RIMS1: variants seen among roughly 807,000 people sequenced by gnomAD.
The protein encoded by RIMS1 is regulating synaptic membrane exocytosis protein 1.
RIMS1 carries 83 observed loss-of-function variants against 214.1 expected under a neutral mutation model. The ratio of observed to expected loss-of-function variants is 0.39; its 90% confidence interval spans 0.32 to 0.47. The LOEUF is 0.47. Among genes scored for constraint, RIMS1 ranks in the 20% least tolerant of loss-of-function variants. The pLI is 0.99. For synonymous variants in RIMS1, 793 were observed against 786.8 expected (o/e 1.01, Z -0.13); for missense variants, 2,050 against 2,161.8 (o/e 0.95, Z 1.03).
rs546636252 is a variant in RIMS1, at chr6:71,887,052, C to T, written c.29C>T (p.Pro10Leu). The part of the protein sequence containing the change: MSSAVGPRG[P>L]RPPTVPPPMQ... ...TCCTCGGCCGTGGGGCCCCGCGGTC[C>T]TCGCCCACCCACGGTGCCTCCCCCC... The change falls in exon 1 of 34, where the codon CCT becomes CTT. Residue 10 changes from proline to leucine, a missense_variant. Around this residue, in one of 6 missense-constraint regions of RIMS1, gnomAD observed 882 missense variants for 828.9 expected, o/e 1.06. Coordinates refer to ENST00000521978, the MANE Select transcript of RIMS1 (RefSeq NM_014989.7). 5 of 1,613,478 alleles carry T rather than the reference C, an allele frequency of 3.1e-6. No individual in the cohort carries two copies. The South Asian group carries it at 4.4e-5, about 14-fold the overall frequency.
At chr6:72,371,122 C>T (rs1354296794) in intron 29 of RIMS1, among the ~76,000 whole-genome samples, 3 of 151,944 alleles carry the variant, frequency 2.0e-5, no homozygotes, top group Non-Finnish European at 2.9e-5. Flanking sequence ...TCTCTCATAT[C>T]TCTGTGTGTC....
intron 23 of RIMS1, among the ~76,000 whole-genome samples, chr6:72,281,381 A>G (rs2090045725): frequency 6.6e-6 from 1 of 152,138 alleles, no homozygotes; most frequent in South Asian, 2.1e-4. Flanking sequence ...GATTACTGTG[A>G]TAATCTAATA....
chr6:72,276,711 A>G lies in RIMS1; in HGVS notation c.3482+2279A>G, dbSNP rs550836498. ...AGAATAGAGAATTATTTACAATACA[A>G]TTTTATTAAAATATAAGACAAATAT... On this transcript the variant is annotated intron_variant, in intron 23 of 33. Coordinates refer to ENST00000521978, the MANE Select transcript of RIMS1 (RefSeq NM_014989.7). Among the ~76,000 whole-genome samples, 316 of 152,336 alleles carry G rather than the reference A, an allele frequency of 2.1e-3. 4 individuals are homozygous for G. The highest frequency in any genetic ancestry group is 6.9e-3 in the African/African-American group (288 of 41,586).
intron 2 of RIMS1, among the ~76,000 whole-genome samples, chr6:72,032,596 A>T (rs1338510351): frequency 6.6e-6 from 1 of 152,172 alleles, no homozygotes; most frequent in Non-Finnish European, 1.5e-5. Context: ...ATTGCATTTC[A>T]ATCAGATTTC....
intron 1 of RIMS1, among the ~76,000 whole-genome samples, chr6:71,966,770 G>T (rs1014586762): frequency 6.6e-6 from 1 of 152,050 alleles, no homozygotes; most frequent in Non-Finnish European, 1.5e-5. Flanking sequence ...TGATCCACTG[G>T]CCTCAGCCTT....
chr6:71,899,474 A>G (rs1772892719), intron 1 of RIMS1, among the ~76,000 whole-genome samples: 1 of 151,492 alleles, frequency 6.6e-6, no homozygotes, highest in Non-Finnish European at 1.5e-5. Context: ...TTGTATTTGT[A>G]TACACACACA....
chr6:72,217,570 A>G (rs2463751), intron 6 of RIMS1, among the ~76,000 whole-genome samples: 68,531 of 151,990 alleles, frequency 0.45, 16,832 homozygotes, highest in East Asian at 0.83. Flanking sequence ...TGGATCAAAG[A>G]GTTTGCTTTC....
intron 1 of RIMS1, among the ~76,000 whole-genome samples, chr6:71,891,852 AT>A (rs1038466480): frequency 3.3e-5 from 5 of 152,214 alleles, no homozygotes; most frequent in African/African-American, 7.2e-5. Flanking sequence ...GAGGAAAACA[AT>A]TTTTGTAAAC....
intron 2 of RIMS1, among the ~76,000 whole-genome samples, chr6:72,052,212 T>C (rs1013536689): frequency 1.3e-5 from 2 of 152,204 alleles, no homozygotes; most frequent in Admixed American, 6.5e-5. Flanking sequence ...TTAGAGGGAT[T>C]TGAAGCTCCT....
intron 4 of RIMS1, among the ~76,000 whole-genome samples, chr6:72,137,704 A>C (rs1318607729): frequency 6.7e-6 from 1 of 149,736 alleles, no homozygotes; most frequent in Non-Finnish European, 1.5e-5. Context: ...TAAGATGCAA[A>C]GTTGTCTGCA....
At chr6:72,283,999 T>C (rs552751138) in intron 23 of RIMS1, 48 bp from the exon 24 acceptor site, 1 of 1,388,110 alleles carries the variant, frequency 7.2e-7, no homozygotes, top group East Asian at 2.3e-5. Context: ...ATGATGTTAA[T>C]GTAGCTTTAT....
At chr6:72,072,300 G>A (rs1830749978) in intron 2 of RIMS1, among the ~76,000 whole-genome samples, 1 of 152,130 alleles carries the variant, frequency 6.6e-6, no homozygotes, top group Admixed American at 6.5e-5. Context: ...AGGATACAAA[G>A]GGAATCCAAG....
At chr6:72,227,461 C>T (rs2060547053) in intron 6 of RIMS1, among the ~76,000 whole-genome samples, 1 of 151,712 alleles carries the variant, frequency 6.6e-6, no homozygotes, top group South Asian at 2.1e-4. Flanking sequence ...TGACTGAGCT[C>T]ATGATTCAGC....
At chr6:71,949,997 G>A (rs1368223229) in intron 1 of RIMS1, among the ~76,000 whole-genome samples, 1 of 152,036 alleles carries the variant, frequency 6.6e-6, no homozygotes, top group Non-Finnish European at 1.5e-5. Flanking sequence ...AACAAGTCAT[G>A]GTAAATCCAT....
chr6:72,080,382 C>A (rs1203587319), intron 2 of RIMS1, among the ~76,000 whole-genome samples: 1 of 152,158 alleles, frequency 6.6e-6, no homozygotes, highest in African/African-American at 2.4e-5. Context: ...TGAACACTCC[C>A]CACCTCCACT....
chr6:71,922,647 CT>C (rs1244938204), intron 1 of RIMS1, among the ~76,000 whole-genome samples: 1 of 152,018 alleles, frequency 6.6e-6, no homozygotes, highest in Non-Finnish European at 1.5e-5. Flanking sequence ...TCCCAAAATC[CT>C]TTTTGAATGA....
intron 28 of RIMS1, among the ~76,000 whole-genome samples, chr6:72,326,053 GTTAT>G (rs935854160): frequency 6.6e-6 from 1 of 151,582 alleles, no homozygotes; most frequent in Non-Finnish European, 1.5e-5. Flanking sequence ...TATAATTTTT[GTTAT>G]TTAACTTTTA....
intron 6 of RIMS1, among the ~76,000 whole-genome samples, chr6:72,200,414 G>A (rs1259374234): frequency 6.6e-6 from 1 of 152,070 alleles, no homozygotes. Flanking sequence ...CCCACACAAG[G>A]TGAGGAACAC....
intron 19 of RIMS1, chr6:72,262,340 C>A (rs1344046790): frequency 1.0e-6 from 1 of 970,768 alleles, no homozygotes; most frequent in Non-Finnish European, 1.2e-6. Context: ...GTTGACTTTG[C>A]ATTTCCTGAT....
Sources: allele counts gnomAD v4.1 joint callset (sites outside exome capture counted in the v4.1 genomes callset), GRCh38; gene constraint gnomAD v4.1.1; regional missense constraint gnomAD v4.1.1; transcripts MANE v1.5; gene names NCBI Gene and HGNC (gene_info 2026-07-23, HGNC 2026-07-21).